MAP2K5: variants seen among roughly 807,000 people sequenced by gnomAD.
The protein encoded by MAP2K5 is mitogen-activated protein kinase kinase 5, also known as dual specificity mitogen-activated protein kinase kinase 5.
In MAP2K5, 49 loss-of-function variants were observed where a neutral mutation model predicts 83.1. The observed-to-expected ratio is 0.59, with a 90% confidence interval of 0.47 to 0.75. The LOEUF (loss-of-function observed/expected upper bound fraction) is 0.75, where lower values mean the gene tolerates loss of function less well. MAP2K5 is among the 30% of genes least tolerant of loss of function. The pLI is 0.00. For synonymous variants in MAP2K5, 202 were observed against 191.8 expected (o/e 1.05, Z -0.44); for missense variants, 457 against 557.5 (o/e 0.82, Z 1.82).
chr15:67,784,900 C>T (rs530622234), intron 21 of MAP2K5, among the ~76,000 whole-genome samples: 48 of 152,280 alleles, frequency 3.2e-4, no homozygotes, highest in Non-Finnish European at 4.7e-4. Context: ...TTTAGCTGAA[C>T]TCGGAGTATG....
At chr15:67,791,842 A>G (rs1240621762) in intron 21 of MAP2K5, among the ~76,000 whole-genome samples, 1 of 152,244 alleles carries the variant, frequency 6.6e-6, no homozygotes, top group Non-Finnish European at 1.5e-5. Context: ...TTGTCTTTAA[A>G]TAAATATCCT....
At chr15:67,631,139 G>T (rs1456460749) in intron 9 of MAP2K5, among the ~76,000 whole-genome samples, 2 of 152,106 alleles carry the variant, frequency 1.3e-5, no homozygotes, top group Non-Finnish European at 2.9e-5. Flanking sequence ...CGTGTATTGT[G>T]ATTCTTCTTG....
Position 67,640,537 on chromosome 15 carries a change from A to G in MAP2K5, c.586-5694A>G. ...CACAGAGGATTGTGAAGAGCAGCAAATCACAGTCCTTGTCCAAACTGAATC... is the reference window on the plus strand; with the variant it reads ...CACAGAGGATTGTGAAGAGCAGCAAGTCACAGTCCTTGTCCAAACTGAATC... On this transcript the variant is annotated intron_variant, in intron 9 of 21. Transcript: ENST00000178640. The surrounding 1 kb of genome is among the most constrained non-coding windows in gnomAD (Gnocchi z 4.6). 1.0e-6 allele frequency: 1 copy of G among 978,142 alleles called. No individual in the cohort carries two copies. The highest frequency in any genetic ancestry group is 1.2e-6 in the Non-Finnish European group (1 of 823,300). The allele number at this position is 978,142 out of a possible 1,614,324, so 60.6% of individuals were successfully genotyped here.
intron 9 of MAP2K5, among the ~76,000 whole-genome samples, chr15:67,643,681 C>T (rs1424171941): frequency 3.9e-5 from 6 of 152,048 alleles, no homozygotes; most frequent in African/African-American, 9.7e-5. Context: ...CTCCTGACCT[C>T]GTGATCTGCC....
At chr15:67,605,786 G>A (rs1354891807) in intron 8 of MAP2K5, among the ~76,000 whole-genome samples, 1 of 152,088 alleles carries the variant, frequency 6.6e-6, no homozygotes, top group Non-Finnish European at 1.5e-5. Context: ...ATAGACCCTT[G>A]GTACGTCTTG....
At position 67,743,541 on chromosome 15, in the gene MAP2K5, G is replaced by A. The variant is rs190849029; in HGVS notation, c.1075-4690G>A. 1.1e-3 allele frequency among the ~76,000 whole-genome samples: 174 copies of A among 152,240 alleles called. 1 individual carries two copies. The highest frequency in any genetic ancestry group is 4.0e-3 in the African/African-American group (168 of 41,550). On this transcript the variant is annotated intron_variant, in intron 17 of 21. Transcript: ENST00000178640. Reference sequence around the variant, plus strand: ...TTTGTAGTTAGCCAGAGTAAATTTTGTTCTCTTCCTTTATTTAAAAGTGAT... The same window carrying A: ...TTTGTAGTTAGCCAGAGTAAATTTTATTCTCTTCCTTTATTTAAAAGTGAT...
At chr15:67,595,976 C>CTTTT (rs11335365) in intron 7 of MAP2K5, among the ~76,000 whole-genome samples, 1 of 144,948 alleles carries the variant, frequency 6.9e-6, no homozygotes. Flanking sequence ...GTTATTTTTT[C>CTTTT]TTTTTTTTTT....
rs2085321656 is a variant in MAP2K5, at chr15:67,587,965, A to G, written c.431+1052A>G. 3.9e-6 allele frequency: 1 copy of G among 255,596 alleles called. No homozygotes were observed. The highest frequency in any genetic ancestry group is 1.5e-4 in the South Asian group (1 of 6,870). The allele number at this position is 255,596 out of a possible 1,614,324, so 15.8% of individuals were successfully genotyped here. ...GGTTCCAGCTCTCCAGATCACTGCC[A>G]CAGCCTCCTGAGAGTCTACTCCCTC... On this transcript the variant is annotated intron_variant, in intron 6 of 21. Coordinates refer to ENST00000178640, the MANE Select transcript of MAP2K5 (RefSeq NM_145160.3). This position sits in a 1 kb window ranked among gnomAD's most constrained non-coding sequence, Gnocchi z 4.8.
intron 16 of MAP2K5, among the ~76,000 whole-genome samples, chr15:67,716,735 A>C (rs142152593): frequency 1.7e-4 from 26 of 152,306 alleles, no homozygotes; most frequent in African/African-American, 6.0e-4. Flanking sequence ...TGTGAAATGT[A>C]GTGCTCTTTC....
chr15:67,735,332 A>G (rs1022671107), intron 17 of MAP2K5, among the ~76,000 whole-genome samples: 5 of 152,326 alleles, frequency 3.3e-5, no homozygotes, highest in African/African-American at 4.8e-5. Context: ...TAATACTTCA[A>G]TTGAGATATC....
Position 67,702,618 on chromosome 15 carries a change from T to C in MAP2K5, c.973-719T>C, listed in dbSNP as rs1753773268. On this transcript the variant is annotated intron_variant, in intron 15 of 21. Transcript: ENST00000178640. This position sits in a 1 kb window ranked among gnomAD's most constrained non-coding sequence, Gnocchi z 4.6. Reference sequence around the variant, plus strand: ...GATAGATCAGGAAGCATCCACTCAGTATGAAATTATTCCTTTTGAAGTTGA... The same window carrying C: ...GATAGATCAGGAAGCATCCACTCAGCATGAAATTATTCCTTTTGAAGTTGA... 6.6e-6 allele frequency among the ~76,000 whole-genome samples: 1 copy of C among 152,238 alleles called. No individual in the cohort carries two copies. Among genetic ancestry groups the C allele is most frequent in the South Asian group, 2.1e-4 (1 of 4,836 alleles).
Position 67,698,878 on chromosome 15 carries a change from G to A in MAP2K5, c.973-4459G>A, listed in dbSNP as rs1045764665. Among the ~76,000 whole-genome samples, 5 of 152,104 alleles carry A rather than the reference G, an allele frequency of 3.3e-5. No homozygotes were observed. The highest frequency in any genetic ancestry group is 2.1e-4 in the South Asian group (1 of 4,828). The stretch of plus-strand genomic sequence containing the variant: ...TTAACTGAGCATTCCCATGTGGCAC[G>A]TACTGAAGCACATTACGGGATTCAT... On this transcript the variant is annotated intron_variant, in intron 15 of 21. Coordinates refer to ENST00000178640, the MANE Select transcript of MAP2K5 (RefSeq NM_145160.3). This position sits in a 1 kb window ranked among gnomAD's most constrained non-coding sequence, Gnocchi z 4.5.
At chr15:67,639,254 T>C (rs975525967) in intron 9 of MAP2K5, among the ~76,000 whole-genome samples, 3 of 152,192 alleles carry the variant, frequency 2.0e-5, no homozygotes, top group African/African-American at 7.2e-5. Flanking sequence ...TCCCTTTCTT[T>C]TCCTTACACC....
intron 15 of MAP2K5, among the ~76,000 whole-genome samples, chr15:67,697,519 A>G (rs1356076646): frequency 1.3e-5 from 2 of 152,178 alleles, no homozygotes; most frequent in Admixed American, 6.5e-5. Context: ...TTATTTATGC[A>G]TCTCCCCCAA....
intron 6 of MAP2K5, among the ~76,000 whole-genome samples, chr15:67,591,344 CAA>C (rs1034766907): frequency 3.8e-5 from 5 of 132,114 alleles, no homozygotes; most frequent in Non-Finnish European, 4.9e-5. Flanking sequence ...GACTCTGTCT[CAA>C]AAAAAAAAAA....
At chr15:67,804,680 C>G (rs1490977104) in intron 21 of MAP2K5, among the ~76,000 whole-genome samples, 1 of 152,214 alleles carries the variant, frequency 6.6e-6, no homozygotes, top group African/African-American at 2.4e-5. Context: ...CCCAAAGTCA[C>G]CCGGCATTCT....
At position 67,782,981 on chromosome 15, in the gene MAP2K5, G is replaced by T. The variant is rs1253640060; in HGVS notation, c.1242+10229G>T. Reference sequence around the variant, plus strand: ...AAAGTGGGTTAAGCACCGAAGGAAGGTGTAAGGATGGCTTTTAGGGGACTG... The same window carrying T: ...AAAGTGGGTTAAGCACCGAAGGAAGTTGTAAGGATGGCTTTTAGGGGACTG... On this transcript the variant is annotated intron_variant, in intron 21 of 21. Transcript: ENST00000178640. The surrounding 1 kb of genome is among the most constrained non-coding windows in gnomAD (Gnocchi z 4.9). Among the ~76,000 whole-genome samples the T allele has an allele frequency of 6.6e-6, 1 of 152,274 alleles. No individual in the cohort carries two copies. The highest frequency in any genetic ancestry group is 2.4e-5 in the African/African-American group (1 of 41,482).
Position 67,802,429 on chromosome 15 carries a change from C to T in MAP2K5, c.1243-4217C>T, listed in dbSNP as rs2090722893. On this transcript the variant is annotated intron_variant, in intron 21 of 21. Coordinates refer to ENST00000178640, the MANE Select transcript of MAP2K5 (RefSeq NM_145160.3). The surrounding 1 kb of genome is among the most constrained non-coding windows in gnomAD (Gnocchi z 5.0). ...CTCCCCTGTGTCCCACTTTTGGAGTCATCCTGCCTCTGGCAGCCCTGTTCT... is the reference window on the plus strand; with the variant it reads ...CTCCCCTGTGTCCCACTTTTGGAGTTATCCTGCCTCTGGCAGCCCTGTTCT... 6.6e-6 allele frequency among the ~76,000 whole-genome samples: 1 copy of T among 152,252 alleles called. No individual in the cohort carries two copies. Among genetic ancestry groups the T allele is most frequent in the African/African-American group, 2.4e-5 (1 of 41,464 alleles).
At chr15:67,759,689 C>T (rs2089913226) in intron 19 of MAP2K5, among the ~76,000 whole-genome samples, 1 of 152,104 alleles carries the variant, frequency 6.6e-6, no homozygotes, top group Non-Finnish European at 1.5e-5. Context: ...GTAAAAGGAA[C>T]ACCATCCCAC....
Sources: allele counts gnomAD v4.1 joint callset (sites outside exome capture counted in the v4.1 genomes callset), GRCh38; gene constraint gnomAD v4.1.1; non-coding constraint Gnocchi (gnomAD v3.1); transcripts MANE v1.5; gene names NCBI Gene and HGNC (gene_info 2026-07-23, HGNC 2026-07-21).